Variants in SSR3 observed in about 807,000 individuals in gnomAD.
SSR3 encodes the protein signal sequence receptor subunit 3, also known as translocon-associated protein subunit gamma.
A neutral mutation model predicts 22.1 loss-of-function variants in SSR3; 10 were observed. The ratio of observed to expected loss-of-function variants is 0.45; its 90% CI spans 0.28 to 0.77. The LOEUF (loss-of-function observed/expected upper bound fraction) is 0.77. Ranked by LOEUF, SSR3 falls within the 30% of genes least tolerant of loss-of-function variation. The probability of loss-of-function intolerance (pLI) is 0.13; values close to 1 mark genes in which losing one functional copy is unlikely to be tolerated. For synonymous variants in SSR3, 104 were observed against 82.5 expected, an observed-to-expected ratio of 1.26 and a Z score of -1.42; for missense variants, 181 against 220.5, an observed-to-expected ratio of 0.82 and a Z score of 1.13.
chr3:156,554,562 C>A (rs1518962), intron 1 of SSR3, among the ~76,000 whole-genome samples: 1 of 151,420 alleles, frequency 6.6e-6, no homozygotes, highest in Non-Finnish European at 1.5e-5. Context: ...TCTCACCTAA[C>A]TAATTTATGC....
At chr3:156,553,487 G>A (rs1375271084) in intron 2 of SSR3, among the ~76,000 whole-genome samples, 168 bp downstream of exon 2, 1 of 152,080 alleles carries the variant, frequency 6.6e-6, no homozygotes, top group East Asian at 1.9e-4. Context: ...CTCTACTTCA[G>A]TTAGTTAATA....
chr3:156,554,740 T>C (rs1366087937), intron 1 of SSR3: 2 of 600,820 alleles, frequency 3.3e-6, no homozygotes, highest in Non-Finnish European at 5.7e-6. Flanking sequence ...TGCGTACTTT[T>C]AACAAGTGAC....
chr3:156,554,865 C>T, intron 1 of SSR3, 92 bp downstream of exon 1: 2 of 1,508,120 alleles, frequency 1.3e-6, no homozygotes, highest in Non-Finnish European at 8.9e-7. Flanking sequence ...CGGCCGGCAC[C>T]CACGCCTTCC....
At position 156,542,994 on chromosome 3, in the gene SSR3, GTA is replaced by G. The variant is rs1719620068; in HGVS notation, c.*207_*208del. On this transcript the variant is annotated 3_prime_UTR_variant, in exon 5 of 5. Coordinates refer to ENST00000265044, the MANE Select transcript of SSR3 (RefSeq NM_007107.5). Reference sequence around the variant, plus strand: ...TTTTTTCCTTTTAATAAACGTCCTAGTACTCTGAGTTTCCCTTTCAATTCATT... The same window carrying G: ...TTTTTTCCTTTTAATAAACGTCCTAGCTCTGAGTTTCCCTTTCAATTCATT... 6.3e-6 allele frequency: 3 copies of G among 479,764 alleles called. No homozygotes were observed. Among genetic ancestry groups the G allele is most frequent in the Admixed American group, 6.8e-5 (2 of 29,332 alleles). 29.7% of individuals were successfully genotyped at this position (479,764 alleles called of 1,614,324 possible).
Position 156,540,049 on chromosome 3 carries a change from A to C in SSR3, c.*3154T>G, listed in dbSNP as rs1317877809. The C allele has an allele frequency of 6.6e-6, 1 of 152,192 alleles. No individual in the cohort carries two copies. Among genetic ancestry groups the C allele is most frequent in the African/African-American group, 2.4e-5 (1 of 41,444 alleles). The allele number at this position is 152,192 out of a possible 1,614,324, so 9.4% of individuals were successfully genotyped here. ...CTTAAAGTAAAATAAAAAATAAAAC[A>C]ATTTGAAAAAAAAGATGGTTAATGT... On this transcript the variant is annotated 3_prime_UTR_variant, in exon 5 of 5. Coordinates refer to ENST00000265044, the MANE Select transcript of SSR3 (RefSeq NM_007107.5).
Position 156,544,452 on chromosome 3 carries a change from A to T in SSR3, c.360-13T>A, listed in dbSNP as rs1482113804. ...CTTCCACAAGATTCTACAGACACAGAAACAAGTCAAACAAGCTTATAAATA... is the reference window on the plus strand; with the variant it reads ...CTTCCACAAGATTCTACAGACACAGTAACAAGTCAAACAAGCTTATAAATA... On this transcript the variant is annotated splice_polypyrimidine_tract_variant and intron_variant, in intron 3 of 4. Transcript: ENST00000265044. 6.6e-7 allele frequency: 1 copy of T among 1,519,016 alleles called. No homozygotes were observed. The highest frequency in any genetic ancestry group is 8.8e-7 in the Non-Finnish European group (1 of 1,132,576). The allele number at this position is 1,519,016 out of a possible 1,614,324, so 94.1% of individuals were successfully genotyped here.
At chr3:156,554,295 C>G (rs532475731) in intron 1 of SSR3, among the ~76,000 whole-genome samples, 1 of 152,198 alleles carries the variant, frequency 6.6e-6, no homozygotes, top group African/African-American at 2.4e-5. Flanking sequence ...AAATGCCCAA[C>G]AACAGTGCAG....
rs1719477830 is a variant in SSR3, at chr3:156,541,220, C to T, written c.*1983G>A. ...AGAATGGTGGCAATTTTTTCCCCATCTATACAGGCACTGCCATCTAGTGGC... is the reference window on the plus strand; with the variant it reads ...AGAATGGTGGCAATTTTTTCCCCATTTATACAGGCACTGCCATCTAGTGGC... On this transcript the variant is annotated 3_prime_UTR_variant, in exon 5 of 5. Coordinates refer to ENST00000265044, the MANE Select transcript of SSR3 (RefSeq NM_007107.5). 6.6e-6 allele frequency: 1 copy of T among 152,162 alleles called. No individual in the cohort carries two copies. Among genetic ancestry groups the T allele is most frequent in the African/African-American group, 2.4e-5 (1 of 41,442 alleles). 9.4% of individuals were successfully genotyped at this position (152,162 alleles called of 1,614,324 possible). A position where few individuals can be genotyped will look rare whatever the true frequency, so the allele number is the denominator to read the frequency against.
chr3:156,554,702 C>T (rs1467949394), intron 1 of SSR3: 1 of 500,978 alleles, frequency 2.0e-6, no homozygotes, highest in Admixed American at 3.5e-5. Flanking sequence ...TAGTTAACCA[C>T]CTTCTCCTGG....
chr3:156,548,032 T>TA (rs1212855412), intron 3 of SSR3, among the ~76,000 whole-genome samples: 10 of 152,216 alleles, frequency 6.6e-5, no homozygotes, highest in African/African-American at 2.4e-4. Flanking sequence ...GAAAATATAT[T>TA]ATATGCACTT....
chr3:156,546,936 G>A (rs942308544), intron 3 of SSR3, among the ~76,000 whole-genome samples: 1 of 152,166 alleles, frequency 6.6e-6, no homozygotes, highest in Non-Finnish European at 1.5e-5. Flanking sequence ...AGCTTTGAGA[G>A]ATACACATCT....
intron 1 of SSR3, among the ~76,000 whole-genome samples, chr3:156,554,321 C>A (rs1252297732): frequency 6.6e-6 from 1 of 152,252 alleles, no homozygotes; most frequent in Non-Finnish European, 1.5e-5. Flanking sequence ...GACAGGAGTT[C>A]TGGAAACTTG....
chr3:156,540,747 A>G lies in SSR3; in HGVS notation c.*2456T>C, dbSNP rs536478053. 1.3e-4 allele frequency: 20 copies of G among 152,312 alleles called. No individual in the cohort carries two copies. Among genetic ancestry groups the G allele is most frequent in the African/African-American group, 4.8e-4 (20 of 41,576 alleles). The allele number at this position is 152,312 out of a possible 1,614,324, so 9.4% of individuals were successfully genotyped here. A position where few individuals can be genotyped will look rare whatever the true frequency, so the allele number is the denominator to read the frequency against. On this transcript the variant is annotated 3_prime_UTR_variant, in exon 5 of 5. Transcript: ENST00000265044. Reference sequence around the variant, plus strand: ...GAACAAAGGAATTTAATCACTTTGAATCCCAATTACAGATGAATCTTTTAT... The same window carrying G: ...GAACAAAGGAATTTAATCACTTTGAGTCCCAATTACAGATGAATCTTTTAT...
intron 2 of SSR3, among the ~76,000 whole-genome samples, chr3:156,550,270 C>T (rs898846769): frequency 6.6e-6 from 1 of 152,170 alleles, no homozygotes; most frequent in Admixed American, 6.5e-5. Flanking sequence ...ACACACACCC[C>T]AACTATCAAG....
At chr3:156,549,244 G>T in intron 2 of SSR3, 1 of 392,194 alleles carries the variant, frequency 2.5e-6, no homozygotes, top group Non-Finnish European at 4.5e-6. Flanking sequence ...TTAAAAAGAA[G>T]AATTTTCCAC....
intron 3 of SSR3, among the ~76,000 whole-genome samples, chr3:156,548,423 C>T (rs924149184): frequency 2.6e-5 from 4 of 152,164 alleles, no homozygotes; most frequent in Non-Finnish European, 5.9e-5. Context: ...ACACATAAAC[C>T]CTTCAGACCC....
Position 156,554,951 on chromosome 3 carries a change from A to G in SSR3, c.133+6T>C. 6.2e-7 allele frequency: 1 copy of G among 1,613,130 alleles called. No homozygotes were observed. Among genetic ancestry groups the G allele is most frequent in the Non-Finnish European group, 8.5e-7 (1 of 1,179,646 alleles). On this transcript the variant is annotated splice_donor_region_variant and intron_variant, in intron 1 of 4. Transcript: ENST00000265044. ...CTGCCTAACCCGCCTCGCTCCCAGCACTCACAGATGGGGATGGCAGACACG... is the reference window on the plus strand; with the variant it reads ...CTGCCTAACCCGCCTCGCTCCCAGCGCTCACAGATGGGGATGGCAGACACG...
At chr3:156,549,814 A>G (rs983450262) in intron 2 of SSR3, among the ~76,000 whole-genome samples, 16 of 151,136 alleles carry the variant, frequency 1.1e-4, no homozygotes, top group Non-Finnish European at 4.4e-5. Flanking sequence ...AAATAGTTCT[A>G]AAAAAAAACA....
chr3:156,547,160 ACT>A (rs1719796262), intron 3 of SSR3, among the ~76,000 whole-genome samples: 1 of 152,112 alleles, frequency 6.6e-6, no homozygotes, highest in South Asian at 2.1e-4. Flanking sequence ...ATGTTCTGAC[ACT>A]CTGCACTTAT....
Sources: allele counts gnomAD v4.1 joint callset (sites outside exome capture counted in the v4.1 genomes callset), GRCh38; gene constraint gnomAD v4.1.1; transcripts MANE v1.5; gene names NCBI Gene and HGNC (gene_info 2026-07-23, HGNC 2026-07-21).